Variants in ARRDC4 observed in about 807,000 individuals in gnomAD.
The protein encoded by ARRDC4 is arrestin domain-containing protein 4.
ARRDC4 carries 40 observed loss-of-function variants against 44.6 expected under a neutral mutation model. The observed-to-expected ratio is 0.90, with a 90% CI of 0.70 to 1.17. The LOEUF (loss-of-function observed/expected upper bound fraction) is 1.17, where lower values mean the gene tolerates loss of function less well. Ranked by LOEUF, ARRDC4 falls within the 50% of genes most tolerant of loss-of-function variation. The pLI is 0.00. For missense variants in ARRDC4, 550 were observed against 559.1 expected (o/e 0.98, Z 0.16); for synonymous variants, 211 against 221.2 (o/e 0.95, Z 0.41).
In ARRDC4 at chr15:97,969,137, A is replaced by T; in HGVS notation, c.640A>T (p.Ile214Phe). The T allele has an allele frequency of 6.2e-7, 1 of 1,613,592 alleles. No individual in the cohort carries two copies. Among genetic ancestry groups the T allele is most frequent in the Non-Finnish European group, 8.5e-7 (1 of 1,179,578 alleles). The change falls in exon 5 of 8, where the codon ATC (isoleucine) becomes TTC (phenylalanine). Residue 214 changes from isoleucine to phenylalanine, a missense_variant. Transcript: ENST00000268042. Reference protein sequence around the residue: ...KGYCNGEAIPIYAEIENCSSR... With the variant: ...KGYCNGEAIPFYAEIENCSSR... Reference sequence around the variant, plus strand: ...TTTCTTTTTAGGAGAAGCTATTCCAATCTATGCAGAAATAGAAAATTGTTC... The same window carrying T: ...TTTCTTTTTAGGAGAAGCTATTCCATTCTATGCAGAAATAGAAAATTGTTC...
chr15:97,970,979 T>C lies in ARRDC4; in HGVS notation c.1201-152T>C, dbSNP rs1899502465. 17 of 939,496 alleles carry C rather than the reference T, an allele frequency of 1.8e-5. 1 individual carries two copies. In the South Asian group the frequency reaches 2.5e-4, roughly 14 times the overall value. 58.2% of individuals were successfully genotyped at this position (939,496 alleles called of 1,614,324 possible). The stretch of plus-strand genomic sequence containing the variant: ...GTGGATTGCCTTTAAGGTGTGTTAT[T>C]TGGCCATGGAATATAGAGAACTTAA... On this transcript the variant is annotated intron_variant, in intron 7 of 7. Coordinates refer to ENST00000268042, the MANE Select transcript of ARRDC4 (RefSeq NM_183376.3). The surrounding 1 kb of genome is among the most constrained non-coding windows in gnomAD (Gnocchi z 4.2).
Position 97,970,472 on chromosome 15 carries a change from G to T in ARRDC4, c.1046-117G>T, listed in dbSNP as rs537712416. 5.9e-5 allele frequency: 64 copies of T among 1,082,888 alleles called. 2 individuals carry two copies. In the South Asian group the frequency reaches 1.1e-3, roughly 18 times the overall value. The allele number at this position is 1,082,888 out of a possible 1,614,324, so 67.1% of individuals were successfully genotyped here. Reference sequence around the variant, plus strand: ...ATGCATAAAACCTTGCTGATTAGAGGGAAAGAATGCCATATTTTTTATCTT... The same window carrying T: ...ATGCATAAAACCTTGCTGATTAGAGTGAAAGAATGCCATATTTTTTATCTT... On this transcript the variant is annotated intron_variant, in intron 6 of 7. Transcript: ENST00000268042. The surrounding 1 kb of genome is among the most constrained non-coding windows in gnomAD (Gnocchi z 4.2).
chr15:97,970,462 C>A lies in ARRDC4; in HGVS notation c.1046-127C>A. 2 of 948,740 alleles carry A rather than the reference C, an allele frequency of 2.1e-6. No homozygotes were observed. Among genetic ancestry groups the A allele is most frequent in the Non-Finnish European group, 3.1e-6 (2 of 651,416 alleles). 58.8% of individuals were successfully genotyped at this position (948,740 alleles called of 1,614,324 possible). On this transcript the variant is annotated intron_variant, in intron 6 of 7. Transcript: ENST00000268042. This position sits in a 1 kb window ranked among gnomAD's most constrained non-coding sequence, Gnocchi z 4.2. The stretch of plus-strand genomic sequence containing the variant: ...TTATTGTAATATGCATAAAACCTTG[C>A]TGATTAGAGGGAAAGAATGCCATAT...
Position 97,967,897 on chromosome 15 carries a change from G to T in ARRDC4, c.523-117G>T. 1 of 595,310 alleles carries T rather than the reference G, an allele frequency of 1.7e-6. No individual in the cohort carries two copies. The highest frequency in any genetic ancestry group is 3.5e-5 in the South Asian group (1 of 28,818). 36.9% of individuals were successfully genotyped at this position (595,310 alleles called of 1,614,324 possible). On this transcript the variant is annotated intron_variant, in intron 3 of 7. Coordinates refer to ENST00000268042, the MANE Select transcript of ARRDC4 (RefSeq NM_183376.3). This position sits in a 1 kb window ranked among gnomAD's most constrained non-coding sequence, Gnocchi z 5.0. ...ATGTTACATGAGGATAAGAAAGTTT[G>T]ATTCATTTTTTTGGTATTTCCTTAC...
rs1273858801 is a variant in ARRDC4, at chr15:97,968,758, G to T, written c.626-365G>T. ...AAAGGCTTTGTTCTCCTGTTAGGCAGATTTTAATTTGATAAGCACTAATGA... is the reference window on the plus strand; with the variant it reads ...AAAGGCTTTGTTCTCCTGTTAGGCATATTTTAATTTGATAAGCACTAATGA... On this transcript the variant is annotated intron_variant, in intron 4 of 7. Coordinates refer to ENST00000268042, the MANE Select transcript of ARRDC4 (RefSeq NM_183376.3). This position sits in a 1 kb window ranked among gnomAD's most constrained non-coding sequence, Gnocchi z 5.4. 1.3e-5 allele frequency among the ~76,000 whole-genome samples: 2 copies of T among 152,180 alleles called. No individual in the cohort carries two copies. The highest frequency in any genetic ancestry group is 2.4e-5 in the African/African-American group (1 of 41,456).
Position 97,965,879 on chromosome 15 carries a change from CT to C in ARRDC4, c.375-13del, listed in dbSNP as rs1899410603. ...TGAAAAGTAAACTCATAATTAATGT[CT>C]TTGGTTGGTTTCAGACCTTTGGTCA... On this transcript the variant is annotated splice_polypyrimidine_tract_variant and intron_variant, in intron 2 of 7. Coordinates refer to ENST00000268042, the MANE Select transcript of ARRDC4 (RefSeq NM_183376.3). This position sits in a 1 kb window ranked among gnomAD's most constrained non-coding sequence, Gnocchi z 5.1. 1 of 1,610,028 alleles carries C rather than the reference CT, an allele frequency of 6.2e-7. No individual in the cohort carries two copies. The highest frequency in any genetic ancestry group is 1.7e-5 in the Admixed American group (1 of 59,444).
At chr15:97,962,822 T>C (rs760640963) in intron 1 of ARRDC4, among the ~76,000 whole-genome samples, 6 of 152,170 alleles carry the variant, frequency 3.9e-5, no homozygotes, top group Non-Finnish European at 8.8e-5. Flanking sequence ...CTTTACACAG[T>C]CTAGATTCTG....
In ARRDC4 at chr15:97,965,272, G is replaced by T. The variant is rs1899396231; in HGVS notation, c.308-328G>T. On this transcript the variant is annotated intron_variant, in intron 1 of 7. Coordinates refer to ENST00000268042, the MANE Select transcript of ARRDC4 (RefSeq NM_183376.3). The surrounding 1 kb of genome is among the most constrained non-coding windows in gnomAD (Gnocchi z 5.1). The stretch of plus-strand genomic sequence containing the variant: ...ATAGCAAGACCCTCGTCTCTGGAAA[G>T]AATTATTAAAAATTAGTCAAGAACC... Among the ~76,000 whole-genome samples, 2 of 152,082 alleles carry T rather than the reference G, an allele frequency of 1.3e-5. No individual in the cohort carries two copies. Among genetic ancestry groups the T allele is most frequent in the South Asian group, 2.1e-4 (1 of 4,826 alleles).
Position 97,972,635 on chromosome 15 carries a change from G to A in ARRDC4, c.*1448G>A, listed in dbSNP as rs545685009. 1 of 152,698 alleles carries A rather than the reference G, an allele frequency of 6.5e-6. No individual in the cohort carries two copies. Among genetic ancestry groups the A allele is most frequent in the African/African-American group, 2.4e-5 (1 of 41,554 alleles). The allele number at this position is 152,698 out of a possible 1,614,324, so 9.5% of individuals were successfully genotyped here. On this transcript the variant is annotated 3_prime_UTR_variant, in exon 8 of 8. Transcript: ENST00000268042. This position sits in a 1 kb window ranked among gnomAD's most constrained non-coding sequence, Gnocchi z 5.3. ...TTCCTGTGATACAGATTTTGAACCAGCAGAGTACTTTGGTTTTCTTCATGT... is the reference window on the plus strand; with the variant it reads ...TTCCTGTGATACAGATTTTGAACCAACAGAGTACTTTGGTTTTCTTCATGT...
rs777602374 is a variant in ARRDC4 at position 97,965,619 on chromosome 15, A to G, written c.327A>G (p.Leu109=). 1.9e-6 allele frequency: 3 copies of G among 1,612,694 alleles called. No homozygotes were observed. Among genetic ancestry groups the G allele is most frequent in the East Asian group, 4.5e-5 (2 of 44,846 alleles). The change falls in exon 2 of 8, where the codon TTA becomes TTG. Residue 109 remains leucine, a synonymous_variant. Coordinates refer to ENST00000268042, the MANE Select transcript of ARRDC4 (RefSeq NM_183376.3). This position sits in a 1 kb window ranked among gnomAD's most constrained non-coding sequence, Gnocchi z 5.1. ...TTATAGGTGAAGGCATCATTTTATTACAGCCTGGAAAACATGAATTTCCAT... is the reference window on the plus strand; with the variant it reads ...TTATAGGTGAAGGCATCATTTTATTGCAGCCTGGAAAACATGAATTTCCAT... ...EPPAGEGIIL[L]QPGKHEFPFR... is the part of the protein sequence containing the mutation.
Position 97,960,744 on chromosome 15 carries a change from C to A in ARRDC4, c.-118C>A. ...AGCCGGTGCCCCATCGGGTACCGCA[C>A]GGCTGCCGCGGCGGCCTTACCCTGC... is the stretch of plus-strand genomic sequence containing the variant. On this transcript the variant is annotated 5_prime_UTR_variant, in exon 1 of 8. Coordinates refer to ENST00000268042, the MANE Select transcript of ARRDC4 (RefSeq NM_183376.3). The A allele has an allele frequency of 1.1e-6, 1 of 934,774 alleles. No individual in the cohort carries two copies. Among genetic ancestry groups the A allele is most frequent in the Non-Finnish European group, 1.4e-6 (1 of 714,750 alleles). The allele number at this position is 934,774 out of a possible 1,614,324, so 57.9% of individuals were successfully genotyped here.
Position 97,967,922 on chromosome 15 carries a change from C to T in ARRDC4, c.523-92C>T. ...GATTCATTTTTTTGGTATTTCCTTA[C>T]AACCATTCTGTGAAGATAGATATAA... is the stretch of plus-strand genomic sequence containing the variant. On this transcript the variant is annotated intron_variant, in intron 3 of 7. Coordinates refer to ENST00000268042, the MANE Select transcript of ARRDC4 (RefSeq NM_183376.3). This position sits in a 1 kb window ranked among gnomAD's most constrained non-coding sequence, Gnocchi z 5.0. 3.8e-6 allele frequency: 3 copies of T among 784,060 alleles called. No individual in the cohort carries two copies. Among genetic ancestry groups the T allele is most frequent in the Non-Finnish European group, 5.8e-6 (3 of 514,254 alleles). The allele number at this position is 784,060 out of a possible 1,614,324, so 48.6% of individuals were successfully genotyped here.
chr15:97,962,739 A>C (rs1377556063), intron 1 of ARRDC4, among the ~76,000 whole-genome samples: 2 of 152,206 alleles, frequency 1.3e-5, no homozygotes, highest in Admixed American at 6.5e-5. Flanking sequence ...TTTTGCTTAA[A>C]ATCATAGTCT....
chr15:97,966,168 G>A lies in ARRDC4; in HGVS notation c.522+126G>A. 5.4e-6 allele frequency: 6 copies of A among 1,105,582 alleles called. No individual in the cohort carries two copies. The South Asian group carries it at 9.7e-5, about 18-fold the overall frequency. The allele number at this position is 1,105,582 out of a possible 1,614,324, so 68.5% of individuals were successfully genotyped here. On this transcript the variant is annotated intron_variant, in intron 3 of 7. Coordinates refer to ENST00000268042, the MANE Select transcript of ARRDC4 (RefSeq NM_183376.3). This position sits in a 1 kb window ranked among gnomAD's most constrained non-coding sequence, Gnocchi z 4.7. ...CTGTCCTGTCACTTTCTGATGGCTT[G>A]GAAAACACAATCTTGTAACCCAAAG...
At position 97,970,546 on chromosome 15, in the gene ARRDC4, T is replaced by C. The variant is rs1213625882; in HGVS notation, c.1046-43T>C. 6.4e-7 allele frequency: 1 copy of C among 1,570,744 alleles called. No individual in the cohort carries two copies. The highest frequency in any genetic ancestry group is 8.7e-7 in the Non-Finnish European group (1 of 1,152,702). ...TGTAGCAGTTAAGAATCGAGATTAATTTTTGAGTGGATTTCTTAACTCCAA... is the reference window on the plus strand; with the variant it reads ...TGTAGCAGTTAAGAATCGAGATTAACTTTTGAGTGGATTTCTTAACTCCAA... On this transcript the variant is annotated intron_variant, in intron 6 of 7. Coordinates refer to ENST00000268042, the MANE Select transcript of ARRDC4 (RefSeq NM_183376.3). The surrounding 1 kb of genome is among the most constrained non-coding windows in gnomAD (Gnocchi z 4.2).
chr15:97,969,463 A>AT, intron 5 of ARRDC4, 84 bp downstream of exon 5: 1 of 1,471,502 alleles, frequency 6.8e-7, no homozygotes, highest in Non-Finnish European at 9.3e-7. Flanking sequence ...AGAGTTGCCT[A>AT]TAAAAATGTC....
Position 97,971,423 on chromosome 15 carries a change from A to T in ARRDC4, c.*236A>T, listed in dbSNP as rs977408807. ...TTAAAAACTGGGATGAAGATGTGCA[A>T]AGTCACAGAATGTAATGGAAGTCCT... is the stretch of plus-strand genomic sequence containing the variant. On this transcript the variant is annotated 3_prime_UTR_variant, in exon 8 of 8. Coordinates refer to ENST00000268042, the MANE Select transcript of ARRDC4 (RefSeq NM_183376.3). 17 of 499,888 alleles carry T rather than the reference A, an allele frequency of 3.4e-5. No individual in the cohort carries two copies. The highest frequency in any genetic ancestry group is 6.2e-5 in the Non-Finnish European group (17 of 275,926). The allele number at this position is 499,888 out of a possible 1,614,324, so 31.0% of individuals were successfully genotyped here.
intron 1 of ARRDC4, among the ~76,000 whole-genome samples, chr15:97,964,018 A>G (rs34475919): frequency 0.055 from 8,365 of 152,142 alleles, 314 homozygotes; most frequent in East Asian, 0.17. Context: ...TGCCCCTGTG[A>G]CTTGTTCTTC....
At position 97,970,943 on chromosome 15, in the gene ARRDC4, G is replaced by C. The variant is rs77625572; in HGVS notation, c.1201-188G>C. On this transcript the variant is annotated intron_variant, in intron 7 of 7. Coordinates refer to ENST00000268042, the MANE Select transcript of ARRDC4 (RefSeq NM_183376.3). The surrounding 1 kb of genome is among the most constrained non-coding windows in gnomAD (Gnocchi z 4.2). ...ATTGTCCTTGTGATCTATGGCATCA[G>C]ATACAGTATTGTGGATTGCCTTTAA... Among the ~76,000 whole-genome samples, 2 of 151,960 alleles carry C rather than the reference G, an allele frequency of 1.3e-5. No individual in the cohort carries two copies. Among genetic ancestry groups the C allele is most frequent in the Non-Finnish European group, 2.9e-5 (2 of 67,994 alleles).
Sources: allele counts gnomAD v4.1 joint callset (sites outside exome capture counted in the v4.1 genomes callset), GRCh38; gene constraint gnomAD v4.1.1; non-coding constraint Gnocchi (gnomAD v3.1); transcripts MANE v1.5; gene names NCBI Gene and HGNC (gene_info 2026-07-23, HGNC 2026-07-21).